Variants in RPSA2 observed in about 807,000 individuals in gnomAD.
The protein encoded by RPSA2 is small ribosomal subunit protein uS2B.
the RPSA2 span, among the ~76,000 whole-genome samples, chr19:23,858,804 G>A: frequency 6.6e-6 from 1 of 152,180 alleles, no homozygotes; most frequent in South Asian, 2.1e-4. Flanking sequence ...TGCTCCGTTT[G>A]CATAATAGAA....
chr19:23,764,215 C>T, the RPSA2 span, among the ~76,000 whole-genome samples: 1 of 152,144 alleles, frequency 6.6e-6, no homozygotes, highest in Non-Finnish European at 1.5e-5. Flanking sequence ...TCTGTGACTT[C>T]CTAATGTATG....
chr19:23,853,379 A>G, the RPSA2 span, among the ~76,000 whole-genome samples: 1 of 146,374 alleles, frequency 6.8e-6, no homozygotes, highest in Non-Finnish European at 1.5e-5. Context: ...CTAGAAACAC[A>G]TGAGAATTCC....
chr19:23,841,180 G>A, the RPSA2 span, among the ~76,000 whole-genome samples: 3 of 152,012 alleles, frequency 2.0e-5, no homozygotes, highest in Non-Finnish European at 4.4e-5. Flanking sequence ...TTTTCTCAAG[G>A]ATTTCTTCCC....
chr19:23,790,276 C>T, the RPSA2 span, among the ~76,000 whole-genome samples: 3 of 152,156 alleles, frequency 2.0e-5, no homozygotes, highest in Admixed American at 2.0e-4. Context: ...GGATTACAGA[C>T]GTGAGCCGCT....
chr19:23,820,586 G>A, the RPSA2 span, among the ~76,000 whole-genome samples: 6 of 152,192 alleles, frequency 3.9e-5, no homozygotes, highest in East Asian at 1.2e-3. Flanking sequence ...CTGACTTCTG[G>A]TGTCCTTTAT....
chr19:23,858,384 G>C, the RPSA2 span, among the ~76,000 whole-genome samples: 3 of 152,176 alleles, frequency 2.0e-5, no homozygotes, highest in African/African-American at 7.2e-5. Context: ...GATTACACTT[G>C]TACCCAACAC....
the RPSA2 span, among the ~76,000 whole-genome samples, chr19:23,765,292 T>C: frequency 6.6e-6 from 1 of 152,184 alleles, no homozygotes; most frequent in Non-Finnish European, 1.5e-5. Context: ...TTATTGGGTA[T>C]TTACCCAAAG....
chr19:23,817,526 A>G, the RPSA2 span: 2 of 152,200 alleles, frequency 1.3e-5, no homozygotes, highest in African/African-American at 2.4e-5. Flanking sequence ...ATATTTGTAT[A>G]TTTACATTTA....
At chr19:23,822,380 C>T in the RPSA2 span, among the ~76,000 whole-genome samples, 1 of 152,196 alleles carries the variant, frequency 6.6e-6, no homozygotes, top group African/African-American at 2.4e-5. Flanking sequence ...TCCTTTGACA[C>T]TCCTTCGTGT....
chr19:23,846,240 C>T, the RPSA2 span, among the ~76,000 whole-genome samples: 36 of 152,120 alleles, frequency 2.4e-4, no homozygotes, highest in African/African-American at 8.4e-4. Flanking sequence ...AGGCAACACA[C>T]AGTTGGATCA....
the RPSA2 span, among the ~76,000 whole-genome samples, chr19:23,761,901 A>ATTCTTTCTTTCT: frequency 8.8e-5 from 3 of 34,016 alleles, no homozygotes; most frequent in African/African-American, 2.9e-4. Context: ...GGGTAACGTA[A>ATTCTTTCTTTCT]TTCTTTCTTT....
At chr19:23,779,788 C>T in the RPSA2 span, among the ~76,000 whole-genome samples, 1 of 152,188 alleles carries the variant, frequency 6.6e-6, no homozygotes, top group Admixed American at 6.5e-5. Context: ...TATCTGCACC[C>T]TGCCCACAGG....
the RPSA2 span, among the ~76,000 whole-genome samples, chr19:23,854,748 C>T: frequency 6.6e-6 from 1 of 152,182 alleles, no homozygotes; most frequent in East Asian, 1.9e-4. Flanking sequence ...TTATAGCAGG[C>T]TCCAAGAAAA....
At chr19:23,866,646 G>A in the RPSA2 span, among the ~76,000 whole-genome samples, 1 of 151,920 alleles carries the variant, frequency 6.6e-6, no homozygotes, top group Non-Finnish European at 1.5e-5. Context: ...AGGAGGCCTG[G>A]ACCCAGGCCC....
At chr19:23,771,398 G>A in the RPSA2 span, among the ~76,000 whole-genome samples, 64 of 152,284 alleles carry the variant, frequency 4.2e-4, no homozygotes, top group African/African-American at 1.5e-3. Context: ...AATCCAGACC[G>A]TCATTGAGAC....
the RPSA2 span, among the ~76,000 whole-genome samples, chr19:23,761,922 T>TCTCTCTCTCTCTCGC: frequency 1.0e-5 from 1 of 99,026 alleles, no homozygotes; most frequent in Non-Finnish European, 2.0e-5. Context: ...CTTTCTTTCT[T>TCTCTCTCTCTCTCGC]TTTTTTTTTT....
the RPSA2 span, among the ~76,000 whole-genome samples, chr19:23,798,339 A>G: frequency 6.6e-6 from 1 of 152,332 alleles, no homozygotes; most frequent in East Asian, 1.9e-4. Context: ...TTACACTACA[A>G]AAGCAAAAAT....
At chr19:23,801,232 CTTT>C in the RPSA2 span, among the ~76,000 whole-genome samples, 2 of 143,664 alleles carry the variant, frequency 1.4e-5, no homozygotes, top group Non-Finnish European at 3.0e-5. Context: ...AAATGCAAGT[CTTT>C]TTTTTTTTAG....
chr19:23,860,909 C>T, the RPSA2 span, among the ~76,000 whole-genome samples: 2 of 152,140 alleles, frequency 1.3e-5, no homozygotes, highest in Non-Finnish European at 2.9e-5. Flanking sequence ...TGCTCAGGCA[C>T]ACTTATAAAA....
Sources: allele counts gnomAD v4.1 joint callset (sites outside exome capture counted in the v4.1 genomes callset), GRCh38; gene constraint gnomAD v4.1.1; transcripts MANE v1.5; gene names NCBI Gene and HGNC (gene_info 2026-07-23, HGNC 2026-07-21).